Variants in KHDRBS2 observed in about 807,000 individuals in gnomAD.
KHDRBS2 encodes the protein KH domain-containing, RNA-binding, signal transduction-associated protein 2.
In KHDRBS2, 26 loss-of-function variants were observed where a neutral mutation model predicts 44.3. The ratio of observed to expected loss-of-function variants is 0.59; its 90% confidence interval spans 0.43 to 0.81. The LOEUF (loss-of-function observed/expected upper bound fraction) is 0.81. Ranked by LOEUF, KHDRBS2 falls within the 40% of genes least tolerant of loss-of-function variation. The pLI, the probability that KHDRBS2 is intolerant of heterozygous loss-of-function variation, is 0.00. For missense variants in KHDRBS2, 476 were observed against 433.1 expected, an observed-to-expected ratio of 1.10 and a Z score of -0.88; for synonymous variants, 194 against 151.1, an observed-to-expected ratio of 1.28 and a Z score of -2.08.
At chr6:62,099,040 G>A (rs1801268228) in intron 2 of KHDRBS2, among the ~76,000 whole-genome samples, 1 of 151,986 alleles carries the variant, frequency 6.6e-6, no homozygotes, top group African/African-American at 2.4e-5. Flanking sequence ...TTATTCAATT[G>A]TTTCTCTACA....
intron 6 of KHDRBS2, among the ~76,000 whole-genome samples, chr6:61,871,122 A>G (rs1424755365): frequency 6.6e-6 from 1 of 152,200 alleles, no homozygotes; most frequent in East Asian, 1.9e-4. Flanking sequence ...AAAAGGCTAG[A>G]TGACTTGCTA....
chr6:62,234,082 C>G lies in KHDRBS2; in HGVS notation c.91+51776G>C, dbSNP rs553216683. Among the ~76,000 whole-genome samples the G allele has an allele frequency of 2.6e-5, 4 of 151,772 alleles. No individual in the cohort carries two copies. The South Asian group carries it at 8.3e-4, about 32-fold the overall frequency. ...CAATAAAAGCAATATGTTCAGAAAACTAAATTCCAGATTGATAACTGCCTA... is the reference window on the plus strand; with the variant it reads ...CAATAAAAGCAATATGTTCAGAAAAGTAAATTCCAGATTGATAACTGCCTA... On this transcript the variant is annotated intron_variant, in intron 1 of 8. Coordinates refer to ENST00000281156, the MANE Select transcript of KHDRBS2 (RefSeq NM_152688.4).
At chr6:61,660,009 T>G in the KHDRBS2 span, among the ~76,000 whole-genome samples, 1 of 151,824 alleles carries the variant, frequency 6.6e-6, no homozygotes, top group Non-Finnish European at 1.5e-5. Context: ...AGGTTATTGG[T>G]TATTATTGTT....
intron 3 of KHDRBS2, among the ~76,000 whole-genome samples, chr6:62,011,826 C>T (rs1013758266): frequency 2.0e-5 from 3 of 152,036 alleles, no homozygotes; most frequent in African/African-American, 4.8e-5. Flanking sequence ...TTTTCATTCA[C>T]GTTCACTTTA....
intron 6 of KHDRBS2, among the ~76,000 whole-genome samples, chr6:61,792,735 A>G (rs1784803321): frequency 6.6e-6 from 1 of 151,956 alleles, no homozygotes; most frequent in South Asian, 2.1e-4. Flanking sequence ...TAGGAGTTGT[A>G]AAAATATACA....
intron 1 of KHDRBS2, among the ~76,000 whole-genome samples, chr6:62,259,247 T>G: frequency 6.6e-6 from 1 of 151,376 alleles, no homozygotes; most frequent in East Asian, 1.9e-4. Flanking sequence ...AATTCAGAAC[T>G]TTAGGTATAT....
At chr6:61,683,505 A>G (rs1472344486) in intron 8 of KHDRBS2, among the ~76,000 whole-genome samples, 1 of 151,924 alleles carries the variant, frequency 6.6e-6, no homozygotes, top group Non-Finnish European at 1.5e-5. Flanking sequence ...GGATGAATGA[A>G]CAAGGGAACT....
chr6:62,094,078 T>C (rs1562841562), intron 2 of KHDRBS2, among the ~76,000 whole-genome samples: 1 of 151,932 alleles, frequency 6.6e-6, no homozygotes, highest in Non-Finnish European at 1.5e-5. Flanking sequence ...GATAATACTA[T>C]TTTTAATATT....
chr6:61,896,024 T>C (rs1802879032), intron 5 of KHDRBS2, among the ~76,000 whole-genome samples: 1 of 152,256 alleles, frequency 6.6e-6, no homozygotes, highest in African/African-American at 2.4e-5. Flanking sequence ...TAAAGAATAC[T>C]CTCCTAGATT....
chr6:61,551,608 A>T, the KHDRBS2 span, among the ~76,000 whole-genome samples: 10 of 152,178 alleles, frequency 6.6e-5, no homozygotes, highest in African/African-American at 9.7e-5. Context: ...AGCACCATTT[A>T]TAGAATAGGG....
intron 2 of KHDRBS2, among the ~76,000 whole-genome samples, chr6:62,120,127 C>T (rs1178867021): frequency 1.3e-5 from 2 of 152,090 alleles, no homozygotes; most frequent in Admixed American, 1.3e-4. Flanking sequence ...AATGTTGCAA[C>T]TCATGGAGTT....
At chr6:61,629,680 C>A in the KHDRBS2 span, among the ~76,000 whole-genome samples, 5 of 152,164 alleles carry the variant, frequency 3.3e-5, no homozygotes, top group Non-Finnish European at 7.3e-5. Context: ...TTTATACATT[C>A]TGAACCTGAC....
chr6:61,853,394 T>C (rs927150285), intron 6 of KHDRBS2, among the ~76,000 whole-genome samples: 1 of 151,980 alleles, frequency 6.6e-6, no homozygotes, highest in Non-Finnish European at 1.5e-5. Flanking sequence ...TGTAGAAAAA[T>C]GATTATAATA....
chr6:61,775,485 T>G (rs1349644307), intron 6 of KHDRBS2, among the ~76,000 whole-genome samples: 2 of 152,108 alleles, frequency 1.3e-5, no homozygotes, highest in Non-Finnish European at 2.9e-5. Flanking sequence ...ACAAGCATTC[T>G]TATACAGCAA....
the KHDRBS2 span, among the ~76,000 whole-genome samples, chr6:61,572,402 A>G: frequency 5.1e-4 from 77 of 152,172 alleles, no homozygotes; most frequent in Admixed American, 4.6e-4. Context: ...TCAAAGAAGA[A>G]TCAGTACCAA....
intron 1 of KHDRBS2, among the ~76,000 whole-genome samples, chr6:62,210,324 A>ATTT (rs1028641877): frequency 5.1e-5 from 7 of 138,072 alleles, no homozygotes; most frequent in Non-Finnish European, 1.1e-4. Context: ...TTATTCTAGC[A>ATTT]TTCTTTTTTT....
chr6:61,901,777 T>C (rs1239119074), intron 4 of KHDRBS2, among the ~76,000 whole-genome samples: 1 of 152,140 alleles, frequency 6.6e-6, no homozygotes, highest in African/African-American at 2.4e-5. Context: ...CTACATGATA[T>C]TCAAATAGCT....
chr6:61,577,115 C>G, the KHDRBS2 span, among the ~76,000 whole-genome samples: 9 of 145,632 alleles, frequency 6.2e-5, no homozygotes, highest in African/African-American at 2.3e-4. Context: ...TTAGCAAGGT[C>G]TCTAACACTC....
chr6:61,667,644 T>G, the KHDRBS2 span, among the ~76,000 whole-genome samples: 1 of 151,158 alleles, frequency 6.6e-6, no homozygotes, highest in Non-Finnish European at 1.5e-5. Context: ...GATACTGCAG[T>G]TGATGTCATT....
Sources: allele counts gnomAD v4.1 joint callset (sites outside exome capture counted in the v4.1 genomes callset), GRCh38; gene constraint gnomAD v4.1.1; transcripts MANE v1.5; gene names NCBI Gene and HGNC (gene_info 2026-07-23, HGNC 2026-07-21).